Variants in MTUS2 observed in about 807,000 individuals in gnomAD.
MTUS2 encodes the protein microtubule associated scaffold protein 2, also known as microtubule-associated tumor suppressor candidate 2.
In MTUS2, 40 loss-of-function variants were observed where a neutral mutation model predicts 114.1. The ratio of observed to expected loss-of-function variants is 0.35; its 90% CI spans 0.27 to 0.46. MTUS2 has a LOEUF of 0.46. MTUS2 is among the 20% of genes least tolerant of loss of function. The probability of loss-of-function intolerance (pLI) is 1.00; values close to 1 mark genes in which losing one functional copy is unlikely to be tolerated. For synonymous variants in MTUS2, 688 were observed against 672.0 expected (o/e 1.02, Z -0.37); for missense variants, 1,679 against 1,705.4 (o/e 0.98, Z 0.27).
At chr13:29,077,762 C>T (rs781302954) in intron 4 of MTUS2, among the ~76,000 whole-genome samples, 1 of 152,198 alleles carries the variant, frequency 6.6e-6, no homozygotes, top group Non-Finnish European at 1.5e-5. Flanking sequence ...TATACATTTA[C>T]TTTCTTAACT....
intron 1 of MTUS2, among the ~76,000 whole-genome samples, chr13:28,832,179 C>T (rs1406059152): frequency 1.3e-5 from 2 of 152,020 alleles, no homozygotes; most frequent in Non-Finnish European, 2.9e-5. Context: ...TTAACAGACA[C>T]CTAAAGAACA....
At chr13:29,313,713 G>C (rs1899869622) in intron 6 of MTUS2, among the ~76,000 whole-genome samples, 1 of 152,060 alleles carries the variant, frequency 6.6e-6, no homozygotes, top group Non-Finnish European at 1.5e-5. Flanking sequence ...GGCCCCCTAA[G>C]TGTCCAGCAT....
chr13:29,489,361 A>C (rs1881887820), intron 11 of MTUS2, among the ~76,000 whole-genome samples: 1 of 152,234 alleles, frequency 6.6e-6, no homozygotes, highest in Admixed American at 6.5e-5. Context: ...TATTATTGTT[A>C]AAATGTTCTC....
intron 7 of MTUS2, among the ~76,000 whole-genome samples, chr13:29,343,876 A>G (rs775990947): frequency 3.3e-5 from 5 of 152,158 alleles, no homozygotes; most frequent in Admixed American, 6.5e-5. Flanking sequence ...GGTTCAAAGA[A>G]TTTTTAAATT....
Position 29,211,236 on chromosome 13 carries a change from G to T in MTUS2, c.2645-70468G>T, listed in dbSNP as rs180791445. On this transcript the variant is annotated intron_variant, in intron 5 of 15. Coordinates refer to ENST00000612955, the MANE Select transcript of MTUS2 (RefSeq NM_001033602.4). ...TGCCTGCCTCTGCTGGGTCACGCAGGTTGCCAGGGGACTGGGGGAAAGCTG... is the reference window on the plus strand; with the variant it reads ...TGCCTGCCTCTGCTGGGTCACGCAGTTTGCCAGGGGACTGGGGGAAAGCTG... Among the ~76,000 whole-genome samples, 3 of 152,234 alleles carry T rather than the reference G, an allele frequency of 2.0e-5. No homozygotes were observed. The East Asian group carries it at 5.8e-4, about 29-fold the overall frequency.
intron 5 of MTUS2, among the ~76,000 whole-genome samples, chr13:29,172,916 G>A (rs1165475743): frequency 6.6e-6 from 1 of 152,134 alleles, no homozygotes; most frequent in Non-Finnish European, 1.5e-5. Flanking sequence ...GTAGTCCTAG[G>A]TAAGACCAAA....
chr13:29,054,751 G>A (rs1888053106), intron 4 of MTUS2, among the ~76,000 whole-genome samples: 1 of 151,906 alleles, frequency 6.6e-6, no homozygotes. Context: ...TAATTTCTAG[G>A]TACACCTTAT....
intron 8 of MTUS2, among the ~76,000 whole-genome samples, chr13:29,390,936 C>A (rs994401710): frequency 6.6e-6 from 1 of 151,904 alleles, no homozygotes; most frequent in East Asian, 2.0e-4. Flanking sequence ...GCGCACACCA[C>A]TATGCCCAGC....
Position 29,203,162 on chromosome 13 carries a change from A to C in MTUS2, c.2645-78542A>C, listed in dbSNP as rs528100586. On this transcript the variant is annotated intron_variant, in intron 5 of 15. Coordinates refer to ENST00000612955, the MANE Select transcript of MTUS2 (RefSeq NM_001033602.4). ...TCTCAGGGAGACGGGAATTCTATCT[A>C]TAAGCCCCTGACTGTGGCTGCTGCC... 2.6e-5 allele frequency among the ~76,000 whole-genome samples: 4 copies of C among 152,316 alleles called. No individual in the cohort carries two copies. In the East Asian group the frequency reaches 7.7e-4, roughly 29 times the overall value.
chr13:29,448,066 G>A (rs9579378), intron 9 of MTUS2, among the ~76,000 whole-genome samples: 1 of 152,118 alleles, frequency 6.6e-6, no homozygotes. Flanking sequence ...CCATCAGGTA[G>A]ATGTTTAAGG....
At chr13:29,497,623 C>G (rs984383026) in intron 13 of MTUS2, 21 of 447,084 alleles carry the variant, frequency 4.7e-5, no homozygotes, top group African/African-American at 4.1e-4. Flanking sequence ...GTCTGGAAAC[C>G]CCCCTCCGCT....
intron 5 of MTUS2, among the ~76,000 whole-genome samples, chr13:29,173,976 T>C (rs1011273666): frequency 6.6e-6 from 1 of 152,110 alleles, no homozygotes; most frequent in Non-Finnish European, 1.5e-5. Context: ...TGTTCTATTC[T>C]ATTCAGGAAA....
chr13:29,352,523 T>A (rs1048634756), intron 7 of MTUS2, among the ~76,000 whole-genome samples: 10 of 152,246 alleles, frequency 6.6e-5, no homozygotes, highest in Non-Finnish European at 1.3e-4. Flanking sequence ...CAAGTGTACA[T>A]TTCAGTGATC....
At chr13:29,051,391 A>C (rs968812502) in intron 4 of MTUS2, among the ~76,000 whole-genome samples, 2 of 152,190 alleles carry the variant, frequency 1.3e-5, no homozygotes, top group East Asian at 1.9e-4. Context: ...AGAAATATGA[A>C]GAACTCCCTT....
intron 4 of MTUS2, among the ~76,000 whole-genome samples, chr13:29,088,844 T>C (rs924973956): frequency 6.6e-6 from 1 of 152,234 alleles, no homozygotes; most frequent in Admixed American, 6.5e-5. Flanking sequence ...CCTTACTTTA[T>C]GGGTGTCATT....
chr13:29,360,873 T>A (rs1870184830), intron 8 of MTUS2, among the ~76,000 whole-genome samples: 1 of 152,144 alleles, frequency 6.6e-6, no homozygotes, highest in Non-Finnish European at 1.5e-5. Context: ...AGTGACCCTG[T>A]TTTAGTCACA....
intron 5 of MTUS2, among the ~76,000 whole-genome samples, chr13:29,256,305 T>C (rs1897281640): frequency 5.9e-5 from 9 of 152,194 alleles, no homozygotes; most frequent in Non-Finnish European, 8.8e-5. Context: ...GAGAGGAATC[T>C]GGTGGCCAGG....
chr13:29,008,915 T>G (rs957948259), intron 2 of MTUS2, among the ~76,000 whole-genome samples: 2 of 152,054 alleles, frequency 1.3e-5, no homozygotes, highest in African/African-American at 4.8e-5. Flanking sequence ...AATTTTCTCC[T>G]TTTGTTTTCT....
At chr13:29,125,346 G>T (rs1179120366) in intron 5 of MTUS2, among the ~76,000 whole-genome samples, 1 of 152,100 alleles carries the variant, frequency 6.6e-6, no homozygotes, top group Non-Finnish European at 1.5e-5. Flanking sequence ...CAGCTTCCTT[G>T]GTTTAAAATG....
Sources: gnomAD v4.1 joint callset for allele counts (sites outside exome capture counted in the v4.1 genomes callset) on GRCh38, gnomAD v4.1.1 for gene constraint, MANE v1.5 for transcripts, NCBI Gene and HGNC (gene_info 2026-07-23, HGNC 2026-07-21) for gene names.